Variants in PPARGC1A observed in about 807,000 individuals in gnomAD.
PPARGC1A encodes the protein PPARG coactivator 1 alpha.
PPARGC1A carries 25 observed loss-of-function variants against 88.7 expected under a neutral mutation model. That is an observed-to-expected ratio of 0.28 (90% confidence interval 0.21 to 0.39). The LOEUF is 0.39. Among genes scored for constraint, PPARGC1A ranks in the 10% least tolerant of loss-of-function variants. PPARGC1A has a pLI of 1.00. For synonymous variants in PPARGC1A, 363 were observed against 355.6 expected (o/e 1.02, Z -0.24); for missense variants, 880 against 968.7 (o/e 0.91, Z 1.22).
the PPARGC1A span, among the ~76,000 whole-genome samples, chr4:24,107,611 G>C: frequency 6.6e-6 from 1 of 152,194 alleles, no homozygotes; most frequent in Non-Finnish European, 1.5e-5. Flanking sequence ...TGGAAGTGTA[G>C]AGCATGTTCA....
At chr4:24,307,003 CTA>C in the PPARGC1A span, among the ~76,000 whole-genome samples, 30 of 152,338 alleles carry the variant, frequency 2.0e-4, no homozygotes, top group African/African-American at 7.0e-4. Context: ...ACTTAAATCT[CTA>C]GAATTTTACT....
the PPARGC1A span, among the ~76,000 whole-genome samples, chr4:24,396,116 T>C: frequency 2.0e-5 from 3 of 152,030 alleles, no homozygotes; most frequent in African/African-American, 7.2e-5. Flanking sequence ...GGGCAGACAC[T>C]GGGTCCTTGG....
chr4:23,957,791 C>T, the PPARGC1A span, among the ~76,000 whole-genome samples: 315 of 152,172 alleles, frequency 2.1e-3, no homozygotes, highest in African/African-American at 7.2e-3. Context: ...ACATAACAAG[C>T]ATAGTTATTT....
the PPARGC1A span, among the ~76,000 whole-genome samples, chr4:24,441,114 CAT>C: frequency 1.3e-5 from 2 of 152,146 alleles, no homozygotes; most frequent in East Asian, 3.9e-4. Flanking sequence ...GTCTTCAGTT[CAT>C]CAGTTGTTTG....
chr4:24,301,528 C>G, the PPARGC1A span, among the ~76,000 whole-genome samples: 1 of 150,264 alleles, frequency 6.7e-6, no homozygotes, highest in African/African-American at 2.5e-5. Flanking sequence ...AGAGCGGTTA[C>G]GGTCAGCTGT....
chr4:23,833,557 T>C (rs1365519394), intron 2 of PPARGC1A, among the ~76,000 whole-genome samples: 1 of 152,174 alleles, frequency 6.6e-6, no homozygotes, highest in African/African-American at 2.4e-5. Flanking sequence ...TGAACTCCAG[T>C]TAATTGACCT....
chr4:23,938,018 G>T, the PPARGC1A span, among the ~76,000 whole-genome samples: 1 of 152,082 alleles, frequency 6.6e-6, no homozygotes, highest in African/African-American at 2.4e-5. Context: ...GGGTCCAAAA[G>T]AAACTATCTA....
chr4:24,425,101 A>G, the PPARGC1A span, among the ~76,000 whole-genome samples: 2 of 152,224 alleles, frequency 1.3e-5, no homozygotes, highest in African/African-American at 4.8e-5. Context: ...AGAGTATAAA[A>G]GAGATCATCC....
At chr4:24,327,169 G>GGACA in the PPARGC1A span, among the ~76,000 whole-genome samples, 1 of 152,238 alleles carries the variant, frequency 6.6e-6, no homozygotes, top group Non-Finnish European at 1.5e-5. Flanking sequence ...ATGCTACAAG[G>GGACA]GACAGCCCAT....
At chr4:24,185,368 C>G in the PPARGC1A span, among the ~76,000 whole-genome samples, 10 of 152,134 alleles carry the variant, frequency 6.6e-5, no homozygotes, top group Non-Finnish European at 1.5e-4. Flanking sequence ...AAGTCAGGCT[C>G]ATATTTACAA....
the PPARGC1A span, among the ~76,000 whole-genome samples, chr4:24,155,591 AC>A: frequency 7.8e-6 from 1 of 128,248 alleles, no homozygotes; most frequent in Non-Finnish European, 1.6e-5. Context: ...ATACAACAAA[AC>A]CCTGTCAAAA....
the PPARGC1A span, among the ~76,000 whole-genome samples, chr4:24,435,858 G>A: frequency 6.6e-6 from 1 of 152,218 alleles, no homozygotes; most frequent in Non-Finnish European, 1.5e-5. Flanking sequence ...GAGACCAAGA[G>A]ATGCCCAAGC....
the PPARGC1A span, among the ~76,000 whole-genome samples, chr4:24,050,072 A>G: frequency 6.6e-6 from 1 of 151,882 alleles, no homozygotes; most frequent in African/African-American, 2.4e-5. Context: ...TTTGTGAATT[A>G]TTTTATGAAT....
the PPARGC1A span, among the ~76,000 whole-genome samples, chr4:24,162,471 A>G: frequency 1.3e-5 from 2 of 152,204 alleles, no homozygotes; most frequent in African/African-American, 4.8e-5. Context: ...AAGTGAGCCA[A>G]GCTTACCAAA....
the PPARGC1A span, among the ~76,000 whole-genome samples, chr4:24,184,867 G>A: frequency 5.3e-3 from 805 of 152,136 alleles, 9 homozygotes; most frequent in African/African-American, 0.018. Flanking sequence ...GATAAGAAGC[G>A]GCAGAAAAGG....
the PPARGC1A span, among the ~76,000 whole-genome samples, chr4:24,013,879 C>A: frequency 6.6e-6 from 1 of 152,086 alleles, no homozygotes; most frequent in Non-Finnish European, 1.5e-5. Context: ...GACCAAGTTT[C>A]CCTCATCAAC....
At chr4:24,396,628 T>C in the PPARGC1A span, among the ~76,000 whole-genome samples, 1 of 152,144 alleles carries the variant, frequency 6.6e-6, no homozygotes, top group Non-Finnish European at 1.5e-5. Flanking sequence ...GTCTCCCATT[T>C]TTTTTTTCTT....
At chr4:23,988,111 T>C in the PPARGC1A span, among the ~76,000 whole-genome samples, 1 of 152,112 alleles carries the variant, frequency 6.6e-6, no homozygotes, top group African/African-American at 2.4e-5. Flanking sequence ...GCAAAGGACA[T>C]GAACTCATCC....
the PPARGC1A span, among the ~76,000 whole-genome samples, chr4:24,221,225 A>C: frequency 2.6e-5 from 4 of 152,248 alleles, no homozygotes; most frequent in East Asian, 7.7e-4. Context: ...CATTCCTTAA[A>C]TTTTTACTAT....
Sources: gnomAD v4.1 joint callset for allele counts (sites outside exome capture counted in the v4.1 genomes callset) on GRCh38, gnomAD v4.1.1 for gene constraint, MANE v1.5 for transcripts, NCBI Gene and HGNC (gene_info 2026-07-23, HGNC 2026-07-21) for gene names.